Variants in GNAQ observed in about 807,000 individuals in gnomAD.
GNAQ encodes the protein guanine nucleotide-binding protein G(q) subunit alpha.
In GNAQ, 8 loss-of-function variants were observed where a neutral mutation model predicts 43.9. The observed-to-expected ratio is 0.18, with a 90% CI of 0.11 to 0.33. The LOEUF is 0.33. GNAQ is among the 10% of genes least tolerant of loss of function. GNAQ has a pLI of 1.00. For synonymous variants in GNAQ, 155 were observed against 170.7 expected (o/e 0.91, Z 0.71); for missense variants, 158 against 450.8 (o/e 0.35, Z 5.88).
intron 1 of GNAQ, among the ~76,000 whole-genome samples, chr9:77,989,980 G>A (rs1823488642): frequency 2.6e-5 from 4 of 152,008 alleles, no homozygotes; most frequent in African/African-American, 9.7e-5. Flanking sequence ...TAAATGAACT[G>A]ACTGAAGTCT....
intron 1 of GNAQ, among the ~76,000 whole-genome samples, chr9:77,933,233 G>C (rs1015874035): frequency 6.6e-6 from 1 of 152,198 alleles, no homozygotes; most frequent in Non-Finnish European, 1.5e-5. Context: ...TAATGTGTGA[G>C]TCAGAGCAGG....
At chr9:77,805,596 G>A (rs1826816821) in intron 3 of GNAQ, among the ~76,000 whole-genome samples, 2 of 152,006 alleles carry the variant, frequency 1.3e-5, no homozygotes, top group South Asian at 4.2e-4. Context: ...AGTAGAGATG[G>A]GGTTTCACCT....
At chr9:78,007,240 C>T (rs1823718193) in intron 1 of GNAQ, among the ~76,000 whole-genome samples, 1 of 150,328 alleles carries the variant, frequency 6.7e-6, no homozygotes, top group Admixed American at 6.6e-5. Flanking sequence ...TGTCCCTTAT[C>T]TTTCATTTTC....
At chr9:77,968,069 G>C (rs940218427) in intron 1 of GNAQ, among the ~76,000 whole-genome samples, 2 of 152,120 alleles carry the variant, frequency 1.3e-5, no homozygotes, top group African/African-American at 4.8e-5. Flanking sequence ...TGGTGGTAAT[G>C]GTTGCACAAC....
At chr9:77,759,653 C>G (rs1825958040) in intron 5 of GNAQ, among the ~76,000 whole-genome samples, 1 of 152,058 alleles carries the variant, frequency 6.6e-6, no homozygotes, top group Non-Finnish European at 1.5e-5. Flanking sequence ...ACTTAGGAAA[C>G]CATGCCCTAC....
intron 5 of GNAQ, among the ~76,000 whole-genome samples, chr9:77,739,087 C>A (rs148241322): frequency 1.3e-5 from 2 of 151,758 alleles, no homozygotes; most frequent in East Asian, 3.9e-4. Flanking sequence ...AATAACTTTC[C>A]GCAGGGGGTG....
At chr9:77,861,745 A>G (rs1000638642) in intron 2 of GNAQ, among the ~76,000 whole-genome samples, 1 of 152,140 alleles carries the variant, frequency 6.6e-6, no homozygotes, top group African/African-American at 2.4e-5. Flanking sequence ...GCTCACGCCT[A>G]TAATCCCCAC....
intron 5 of GNAQ, among the ~76,000 whole-genome samples, chr9:77,776,863 C>CT (rs746503945): frequency 0.012 from 1,559 of 134,690 alleles, 15 homozygotes; most frequent in Middle Eastern, 0.02. Flanking sequence ...TCCCAGGTGC[C>CT]TTTTTTTTTT....
chr9:77,756,766 AAGG>A (rs1234447104), intron 5 of GNAQ, among the ~76,000 whole-genome samples: 1 of 152,218 alleles, frequency 6.6e-6, no homozygotes, highest in Admixed American at 6.5e-5. Context: ...TTTTACTTAG[AAGG>A]ATATGGTAGC....
At chr9:77,954,805 C>T (rs867458088) in intron 1 of GNAQ, among the ~76,000 whole-genome samples, 4 of 152,162 alleles carry the variant, frequency 2.6e-5, no homozygotes, top group Non-Finnish European at 5.9e-5. Context: ...CTTGCAACGG[C>T]GCTATTAAGC....
intron 6 of GNAQ, among the ~76,000 whole-genome samples, chr9:77,722,852 C>A (rs935586688): frequency 6.6e-6 from 1 of 152,072 alleles, no homozygotes; most frequent in Non-Finnish European, 1.5e-5. Context: ...GGGGGTATCA[C>A]TATGTTGTCT....
intron 1 of GNAQ, among the ~76,000 whole-genome samples, chr9:78,027,500 T>A (rs1316204027): frequency 3.3e-5 from 5 of 152,124 alleles, no homozygotes; most frequent in Admixed American, 2.6e-4. Context: ...TAAAATTCAT[T>A]TCAGAAGACC....
chr9:77,873,823 T>C (rs573273080), intron 2 of GNAQ, among the ~76,000 whole-genome samples: 1 of 152,292 alleles, frequency 6.6e-6, no homozygotes, highest in African/African-American at 2.4e-5. Context: ...TCTAAAGCCT[T>C]TGCCGGGCGC....
At chr9:77,805,580 A>G (rs1826816623) in intron 3 of GNAQ, among the ~76,000 whole-genome samples, 1 of 151,704 alleles carries the variant, frequency 6.6e-6, no homozygotes, top group Non-Finnish European at 1.5e-5. Flanking sequence ...AATTTTTTGT[A>G]TTTTTAGTAG....
At chr9:77,880,126 G>A (rs539513267) in intron 2 of GNAQ, among the ~76,000 whole-genome samples, 1 of 152,284 alleles carries the variant, frequency 6.6e-6, no homozygotes, top group East Asian at 1.9e-4. Flanking sequence ...GAACAAGGAA[G>A]CTTGATGGCA....
In GNAQ at chr9:77,879,195, G is replaced by C. The variant is rs1297507302; in HGVS notation, c.321+42966C>G. 2.0e-5 allele frequency among the ~76,000 whole-genome samples: 3 copies of C among 152,160 alleles called. No homozygotes were observed. In the East Asian group the frequency reaches 5.8e-4, roughly 29 times the overall value. On this transcript the variant is annotated intron_variant, in intron 2 of 6. Transcript: ENST00000286548. The stretch of plus-strand genomic sequence containing the variant: ...GCAGTTTTAATTGTAATTTTTTAAA[G>C]GACTATTTTTTAAAAAATTGTCTGT...
At chr9:77,815,330 T>C (rs1290368078) in intron 3 of GNAQ, among the ~76,000 whole-genome samples, 5 of 152,152 alleles carry the variant, frequency 3.3e-5, no homozygotes, top group Admixed American at 6.5e-5. Context: ...AGTTTGCAAT[T>C]TGGGGGAGGA....
intron 3 of GNAQ, among the ~76,000 whole-genome samples, chr9:77,806,080 G>A (rs370565405): frequency 1.3e-5 from 2 of 152,224 alleles, no homozygotes; most frequent in East Asian, 3.9e-4. Flanking sequence ...CTCAGGTGTA[G>A]TGCTCCAAAA....
intron 1 of GNAQ, among the ~76,000 whole-genome samples, chr9:77,966,421 A>G (rs1274464555): frequency 6.6e-6 from 1 of 152,250 alleles, no homozygotes; most frequent in Non-Finnish European, 1.5e-5. Flanking sequence ...ACCTACAAGC[A>G]AAATTTTTGC....
Sources: gnomAD v4.1 joint callset for allele counts (sites outside exome capture counted in the v4.1 genomes callset) on GRCh38, gnomAD v4.1.1 for gene constraint, MANE v1.5 for transcripts, NCBI Gene and HGNC (gene_info 2026-07-23, HGNC 2026-07-21) for gene names.